The following CCDC192 variants were observed in gnomAD, a reference collection of about 807,000 sequenced individuals.
CCDC192 encodes the protein coiled-coil domain containing 192.
At chr5:127,903,241 ATT>A (rs748694522) in intron 6 of CCDC192, among the ~76,000 whole-genome samples, 79 of 143,208 alleles carry the variant, frequency 5.5e-4, no homozygotes, top group Non-Finnish European at 6.3e-4. Context: ...TTTTGGAGGA[ATT>A]TTTTTTTTTT....
chr5:127,921,273 G>T (rs985217765), intron 6 of CCDC192, among the ~76,000 whole-genome samples: 1 of 151,934 alleles, frequency 6.6e-6, no homozygotes, highest in Non-Finnish European at 1.5e-5. Flanking sequence ...GAAAAGAAAA[G>T]GAAGGAAAGG....
chr5:127,830,772 A>C (rs889784161), intron 5 of CCDC192, among the ~76,000 whole-genome samples: 1 of 152,054 alleles, frequency 6.6e-6, no homozygotes, highest in Non-Finnish European at 1.5e-5. Context: ...AGAAAAAAAA[A>C]AAAACAGGAA....
intron 5 of CCDC192, among the ~76,000 whole-genome samples, chr5:127,854,900 T>C (rs1025484854): frequency 1.3e-5 from 2 of 152,256 alleles, no homozygotes; most frequent in African/African-American, 4.8e-5. Flanking sequence ...AACATAACTT[T>C]TATAACAATG....
Position 127,707,693 on chromosome 5 carries a change from G to A in CCDC192, c.63-16G>A, listed in dbSNP as rs183529723. ...GAAATAAAATTTTGGAATTCTAAAT[G>A]TTTACTTTTTTTCAGCATGACGTCT... On this transcript the variant is annotated splice_polypyrimidine_tract_variant and intron_variant, in intron 1 of 6. Coordinates refer to ENST00000514853, the MANE Select transcript of CCDC192 (RefSeq NM_001317938.2). 301 of 398,034 alleles carry A rather than the reference G, an allele frequency of 7.6e-4. No homozygotes were observed. Among genetic ancestry groups the A allele is most frequent in the African/African-American group, 5.7e-3 (277 of 48,616 alleles). 24.7% of individuals were successfully genotyped at this position (398,034 alleles called of 1,614,324 possible).
chr5:127,736,977 G>C (rs1465898853), intron 2 of CCDC192, among the ~76,000 whole-genome samples: 6 of 150,898 alleles, frequency 4.0e-5, no homozygotes, highest in African/African-American at 9.8e-5. Context: ...GCTAGCTTTT[G>C]AATGTGTTTG....
chr5:127,922,401 A>C (rs1174006888), intron 6 of CCDC192, among the ~76,000 whole-genome samples: 8 of 151,884 alleles, frequency 5.3e-5, no homozygotes, highest in Admixed American at 5.2e-4. Flanking sequence ...ATTTCCTTTC[A>C]TTTCTGTTAT....
At chr5:127,704,838 AAAATAAAT>A (rs57523949) in intron 1 of CCDC192, among the ~76,000 whole-genome samples, 10,071 of 144,414 alleles carry the variant, frequency 0.07, 778 homozygotes, top group African/African-American at 0.19. Flanking sequence ...AACTCCATCT[AAAATAAAT>A]AAATAAATAA....
chr5:127,820,322 C>CT (rs2127018208), intron 5 of CCDC192, among the ~76,000 whole-genome samples: 1 of 152,370 alleles, frequency 6.6e-6, no homozygotes, highest in African/African-American at 2.4e-5. Flanking sequence ...TGGCTCACGC[C>CT]TGTAATCCCA....
intron 6 of CCDC192, among the ~76,000 whole-genome samples, chr5:127,902,377 A>G (rs540702848): frequency 6.6e-6 from 1 of 151,972 alleles, no homozygotes; most frequent in African/African-American, 2.4e-5. Context: ...CCATTCTTGA[A>G]TCTGGGTCCT....
chr5:127,917,387 C>T (rs577995274), intron 6 of CCDC192, among the ~76,000 whole-genome samples: 18 of 152,320 alleles, frequency 1.2e-4, no homozygotes, highest in African/African-American at 4.3e-4. Context: ...TCTTTGCATT[C>T]ACAACTTGGC....
intron 3 of CCDC192, among the ~76,000 whole-genome samples, chr5:127,790,441 A>G (rs1756802695): frequency 6.6e-6 from 1 of 152,098 alleles, no homozygotes; most frequent in Non-Finnish European, 1.5e-5. Flanking sequence ...ACACTCAAAC[A>G]TTATCTTTTT....
chr5:127,939,331 G>T (rs1352817450), intron 6 of CCDC192, among the ~76,000 whole-genome samples: 3 of 151,764 alleles, frequency 2.0e-5, no homozygotes, highest in African/African-American at 7.3e-5. Flanking sequence ...TGGCCAGGCT[G>T]GTCTTAAACT....
chr5:127,848,490 T>C (rs568919495), intron 5 of CCDC192, among the ~76,000 whole-genome samples: 21 of 152,294 alleles, frequency 1.4e-4, no homozygotes, highest in Non-Finnish European at 2.8e-4. Flanking sequence ...ACTTTCCTTA[T>C]TGAAGCCAGT....
At chr5:127,753,688 GAAAA>G (rs71575707) in intron 2 of CCDC192, among the ~76,000 whole-genome samples, 5 of 124,368 alleles carry the variant, frequency 4.0e-5, no homozygotes, top group Admixed American at 8.2e-5. Flanking sequence ...ACTCTGCCTG[GAAAA>G]AAAAAAAAAA....
chr5:127,846,954 A>G (rs2127075908), intron 5 of CCDC192, among the ~76,000 whole-genome samples: 1 of 152,126 alleles, frequency 6.6e-6, no homozygotes, highest in East Asian at 1.9e-4. Context: ...TTCCCTGCTC[A>G]GCATTTCCAC....
intron 3 of CCDC192, among the ~76,000 whole-genome samples, chr5:127,788,172 A>G (rs1756668319): frequency 6.6e-6 from 1 of 151,606 alleles, no homozygotes; most frequent in African/African-American, 2.4e-5. Flanking sequence ...TTCTATCAAT[A>G]GTTGCTTCAT....
At chr5:127,828,068 G>A (rs146739318) in intron 5 of CCDC192, among the ~76,000 whole-genome samples, 56 of 152,150 alleles carry the variant, frequency 3.7e-4, no homozygotes, top group African/African-American at 1.3e-3. Flanking sequence ...CACCATGCCC[G>A]GCTAATTTTC....
chr5:127,910,621 A>G (rs768730803), intron 6 of CCDC192, among the ~76,000 whole-genome samples: 13 of 152,238 alleles, frequency 8.5e-5, no homozygotes, highest in Non-Finnish European at 1.0e-4. Flanking sequence ...ATGTAGCACA[A>G]TTCCCCAAAA....
chr5:127,723,238 C>T (rs1379765290), intron 2 of CCDC192, among the ~76,000 whole-genome samples: 1 of 151,952 alleles, frequency 6.6e-6, no homozygotes, highest in Admixed American at 6.5e-5. Context: ...GAATTACTTT[C>T]TTGATTTCTT....
Sources: gnomAD v4.1 joint callset for allele counts (sites outside exome capture counted in the v4.1 genomes callset) on GRCh38, gnomAD v4.1.1 for gene constraint, MANE v1.5 for transcripts, NCBI Gene and HGNC (gene_info 2026-07-23, HGNC 2026-07-21) for gene names.